RAD51B: variants seen among roughly 807,000 people sequenced by gnomAD.
RAD51B encodes DNA repair protein RAD51 homolog 2.
RAD51B carries 38 observed loss-of-function variants against 42.2 expected under a neutral mutation model. The observed-to-expected ratio is 0.90, with a 90% CI of 0.70 to 1.18. RAD51B has a LOEUF of 1.18. Ranked by LOEUF, RAD51B falls within the 50% of genes most tolerant of loss-of-function variation. The pLI is 0.00. For missense variants in RAD51B, 373 were observed against 400.7 expected (o/e 0.93, Z 0.59); for synonymous variants, 154 against 145.2 (o/e 1.06, Z -0.43).
At chr14:68,540,139 A>G in intron 10 of RAD51B, 3 of 987,024 alleles carry the variant, frequency 3.0e-6, no homozygotes, top group Non-Finnish European at 3.6e-6. Context: ...AAATGCCTCC[A>G]GGACATGAGG....
At chr14:68,070,395 G>C (rs2076722363) in intron 7 of RAD51B, among the ~76,000 whole-genome samples, 1 of 151,874 alleles carries the variant, frequency 6.6e-6, no homozygotes. Context: ...TTTCTTTTAG[G>C]GTCTTTATAC....
chr14:68,409,645 G>T lies in RAD51B; in HGVS notation c.854-1779G>T, dbSNP rs187511188. Among the ~76,000 whole-genome samples, 9 of 152,316 alleles carry T rather than the reference G, an allele frequency of 5.9e-5. No homozygotes were observed. In the East Asian group the frequency reaches 1.7e-3, roughly 29 times the overall value. ...AGAGGTCAAGGAGGATGAGGCCAGG[G>T]AAGTCAGGAGGTCATGGGAGACCAT... On this transcript the variant is annotated intron_variant, in intron 8 of 10. Coordinates refer to ENST00000471583, the MANE Select transcript of RAD51B (RefSeq NM_133510.4).
chr14:67,908,641 G>A (rs1014893903), intron 7 of RAD51B: 4 of 152,050 alleles, frequency 2.6e-5, no homozygotes, highest in Non-Finnish European at 4.4e-5. Context: ...AGTTTTCATA[G>A]AGAGTAGTGT....
intron 10 of RAD51B, among the ~76,000 whole-genome samples, chr14:68,605,947 G>A (rs1050999624): frequency 1.3e-5 from 2 of 152,132 alleles, no homozygotes; most frequent in Admixed American, 6.5e-5. Context: ...CTGTGCCACC[G>A]TTTCCCGCCA....
chr14:68,250,064 C>T (rs541478213), intron 7 of RAD51B, among the ~76,000 whole-genome samples: 4 of 152,160 alleles, frequency 2.6e-5, no homozygotes, highest in South Asian at 2.1e-4. Context: ...GCTGCTTTGG[C>T]GCTTTAGTGA....
At chr14:68,505,804 C>T (rs1045815329) in intron 10 of RAD51B, among the ~76,000 whole-genome samples, 2 of 152,184 alleles carry the variant, frequency 1.3e-5, no homozygotes, top group Non-Finnish European at 1.5e-5. Context: ...CCGCCCGCCT[C>T]GGCCTCCCAA....
At chr14:68,139,258 A>C (rs2140717653) in intron 7 of RAD51B, among the ~76,000 whole-genome samples, 1 of 149,310 alleles carries the variant, frequency 6.7e-6, no homozygotes, top group African/African-American at 2.6e-5. Context: ...CTCTGGAGAT[A>C]TTCTAAATGG....
intron 7 of RAD51B, among the ~76,000 whole-genome samples, chr14:67,969,558 A>T (rs1010584552): frequency 6.6e-6 from 1 of 152,210 alleles, no homozygotes; most frequent in African/African-American, 2.4e-5. Flanking sequence ...TTTGAAATAT[A>T]TAAGATGAGG....
At chr14:67,941,428 A>C (rs1238985248) in intron 7 of RAD51B, among the ~76,000 whole-genome samples, 1 of 152,044 alleles carries the variant, frequency 6.6e-6, no homozygotes, top group Non-Finnish European at 1.5e-5. Context: ...TAGGGGGAAG[A>C]TTTTGCTTTT....
chr14:68,176,987 A>C (rs2078974105), intron 7 of RAD51B, among the ~76,000 whole-genome samples: 1 of 152,176 alleles, frequency 6.6e-6, no homozygotes, highest in Admixed American at 6.5e-5. Flanking sequence ...TATTGTCATC[A>C]AATTTGCCAT....
intron 7 of RAD51B, among the ~76,000 whole-genome samples, chr14:68,241,973 T>C (rs906353339): frequency 1.3e-5 from 2 of 152,216 alleles, no homozygotes; most frequent in African/African-American, 4.8e-5. Flanking sequence ...CCCCTGCTTA[T>C]GTTGACCCTG....
rs183581368 is a variant in RAD51B at position 68,056,662 on chromosome 14, A to G, written c.756+169458A>G. On this transcript the variant is annotated intron_variant, in intron 7 of 10. Transcript: ENST00000471583. ...TACTCGGGAGGCTGAGGCAGAGAATATCTTGAATCCGGGAGGCAGAGGTTG... is the reference window on the plus strand; with the variant it reads ...TACTCGGGAGGCTGAGGCAGAGAATGTCTTGAATCCGGGAGGCAGAGGTTG... Among the ~76,000 whole-genome samples, 13 of 152,042 alleles carry G rather than the reference A, an allele frequency of 8.6e-5. No homozygotes were observed. In the East Asian group the frequency reaches 2.3e-3, roughly 27 times the overall value.
chr14:68,504,172 G>A (rs913478359), intron 10 of RAD51B, among the ~76,000 whole-genome samples: 4 of 152,058 alleles, frequency 2.6e-5, no homozygotes, highest in African/African-American at 4.8e-5. Context: ...GAGCTGGATC[G>A]GGGCGCAATG....
At chr14:68,487,411 C>T (rs533379833) in intron 10 of RAD51B, among the ~76,000 whole-genome samples, 1 of 152,260 alleles carries the variant, frequency 6.6e-6, no homozygotes, top group Admixed American at 6.5e-5. Context: ...TTTGAGGTCA[C>T]CATGAGGCTA....
At chr14:67,886,079 T>C in intron 6 of RAD51B, 91 bp downstream of exon 6, 1 of 1,130,890 alleles carries the variant, frequency 8.8e-7, no homozygotes, top group Non-Finnish European at 1.2e-6. Context: ...AAAAAGTCTT[T>C]ATAGGTTAGA....
intron 10 of RAD51B, among the ~76,000 whole-genome samples, chr14:68,538,695 A>G (rs1238989634): frequency 1.3e-5 from 2 of 152,026 alleles, no homozygotes; most frequent in South Asian, 2.1e-4. Context: ...GAGATTTTGA[A>G]TAAGAATAGA....
chr14:68,349,514 G>A (rs1038802820), intron 8 of RAD51B, among the ~76,000 whole-genome samples: 1 of 152,088 alleles, frequency 6.6e-6, no homozygotes, highest in Non-Finnish European at 1.5e-5. Flanking sequence ...TTGCAGGTTC[G>A]TGCCCGACGC....
At chr14:68,654,037 G>A (rs977349771) in intron 11 of RAD51B, among the ~76,000 whole-genome samples, 2 of 152,270 alleles carry the variant, frequency 1.3e-5, no homozygotes, top group African/African-American at 4.8e-5. Flanking sequence ...AGGTTTGTAA[G>A]CTGGGAGCAT....
In RAD51B at chr14:67,921,888, G is replaced by GGT. The variant is rs375095490; in HGVS notation, c.756+34695_756+34696dup. ...CGTGGCCCCTGTTTGAGTGTTTATGGGTGTGTGTGTGTTAGTGTGCTCTGC... is the reference window on the plus strand; with the variant it reads ...CGTGGCCCCTGTTTGAGTGTTTATGGGTGTGTGTGTGTGTTAGTGTGCTCTGC... On this transcript the variant is annotated intron_variant, in intron 7 of 10. Transcript: ENST00000471583. Among the ~76,000 whole-genome samples the GGT allele has an allele frequency of 2.6e-5, 4 of 151,958 alleles. No individual in the cohort carries two copies. In the East Asian group the frequency reaches 5.8e-4, roughly 22 times the overall value.
Sources: allele counts gnomAD v4.1 joint callset (sites outside exome capture counted in the v4.1 genomes callset), GRCh38; gene constraint gnomAD v4.1.1; transcripts MANE v1.5; gene names NCBI Gene and HGNC (gene_info 2026-07-23, HGNC 2026-07-21).